The following KLHL32 variants were observed in gnomAD, a reference collection of about 807,000 sequenced individuals.
KLHL32 encodes kelch like family member 32.
Under a neutral mutation model 64.8 loss-of-function variants are expected in KLHL32, and 35 were observed. The ratio of observed to expected loss-of-function variants is 0.54; its 90% CI spans 0.41 to 0.72. KLHL32 has a LOEUF of 0.72. Among genes scored for constraint, KLHL32 ranks in the 30% least tolerant of loss-of-function variants. The probability of loss-of-function intolerance (pLI) is 0.00; values close to 1 mark genes in which losing one functional copy is unlikely to be tolerated. For missense variants in KLHL32, 589 were observed against 768.5 expected (o/e 0.77, Z 2.76); for synonymous variants, 259 against 281.0 (o/e 0.92, Z 0.78).
Position 97,130,760 on chromosome 6 carries a change from A to G in KLHL32, c.1417A>G (p.Lys473Glu). 6.3e-7 allele frequency: 1 copy of G among 1,599,596 alleles called. No homozygotes were observed. The highest frequency in any genetic ancestry group is 1.1e-5 in the South Asian group (1 of 88,206). Residue 473 changes from lysine to glutamate, a missense_variant, in exon 9 of 11, where the codon AAG (lysine) becomes GAG (glutamate). By Grantham distance (56) the Lys-to-Glu change is moderately conservative. Transcript: ENST00000369261. ...RLMVYEPNQN[K>E]WISRSPMLQR... ...ACACTTAAATTTCTTTTTTCAGAAT[A>G]AGTGGATAAGCCGTAGCCCCATGCT...
the KLHL32 span, among the ~76,000 whole-genome samples, chr6:96,916,625 T>C: frequency 6.6e-6 from 1 of 152,220 alleles, no homozygotes; most frequent in African/African-American, 2.4e-5. Context: ...TTCTTTTCTA[T>C]GAAGGCCTCT....
At chr6:96,948,502 G>A (rs1402259506) in intron 1 of KLHL32, among the ~76,000 whole-genome samples, 1 of 152,014 alleles carries the variant, frequency 6.6e-6, no homozygotes, top group Non-Finnish European at 1.5e-5. Flanking sequence ...CTCTTTTTTT[G>A]TGTGTGATAC....
intron 1 of KLHL32, among the ~76,000 whole-genome samples, chr6:96,946,208 A>C (rs909423898): frequency 6.6e-6 from 1 of 152,186 alleles, no homozygotes; most frequent in African/African-American, 2.4e-5. Context: ...TTTAAGTGAT[A>C]TCTCCTTTTA....
At chr6:96,943,972 A>G (rs1414225949) in intron 1 of KLHL32, among the ~76,000 whole-genome samples, 1 of 152,206 alleles carries the variant, frequency 6.6e-6, no homozygotes, top group African/African-American at 2.4e-5. Context: ...CTCTCAGGAC[A>G]TTAATTCCTT....
At position 97,085,014 on chromosome 6, in the gene KLHL32, T is replaced by G; in HGVS notation, c.412-112T>G. ...TTTTTTTTTATACTAGCCCTCCCATTTCTCCCACCACTGTGATGAAAACCT... is the reference window on the plus strand; with the variant it reads ...TTTTTTTTTATACTAGCCCTCCCATGTCTCCCACCACTGTGATGAAAACCT... On this transcript the variant is annotated intron_variant, in intron 5 of 10. Coordinates refer to ENST00000369261, the MANE Select transcript of KLHL32 (RefSeq NM_052904.4). The G allele has an allele frequency of 1.2e-5, 10 of 810,616 alleles. No individual in the cohort carries two copies. In the South Asian group the frequency reaches 1.3e-4, roughly 11 times the overall value. The allele number at this position is 810,616 out of a possible 1,614,324, so 50.2% of individuals were successfully genotyped here.
At chr6:96,916,489 C>T in the KLHL32 span, among the ~76,000 whole-genome samples, 3 of 152,136 alleles carry the variant, frequency 2.0e-5, no homozygotes, top group Non-Finnish European at 4.4e-5. Context: ...TATTACCATC[C>T]CACAATTTAC....
At chr6:97,043,702 C>T in intron 4 of KLHL32, among the ~76,000 whole-genome samples, 1 of 151,778 alleles carries the variant, frequency 6.6e-6, no homozygotes, top group Admixed American at 6.6e-5. Flanking sequence ...GGTTTTTCTC[C>T]ACACCCTCAT....
intron 6 of KLHL32, among the ~76,000 whole-genome samples, chr6:97,092,836 A>G (rs1387602306): frequency 1.3e-5 from 2 of 152,120 alleles, no homozygotes; most frequent in African/African-American, 2.4e-5. Flanking sequence ...GCTTTGCTCC[A>G]GCTAATCCTC....
chr6:97,085,535 G>A (rs1389748980), intron 6 of KLHL32, among the ~76,000 whole-genome samples, 194 bp downstream of exon 6: 2 of 152,232 alleles, frequency 1.3e-5, no homozygotes, highest in Non-Finnish European at 2.9e-5. Context: ...AGCGGACTCT[G>A]CCGCTTAACT....
chr6:97,016,149 A>G (rs985367422), intron 3 of KLHL32, among the ~76,000 whole-genome samples: 2 of 152,254 alleles, frequency 1.3e-5, no homozygotes, highest in Admixed American at 6.5e-5. Flanking sequence ...CCCCACACAG[A>G]GTCCCCACTG....
At chr6:97,082,860 G>A (rs776674371) in intron 5 of KLHL32, among the ~76,000 whole-genome samples, 4 of 152,084 alleles carry the variant, frequency 2.6e-5, no homozygotes, top group Non-Finnish European at 5.9e-5. Flanking sequence ...CTGAGTTAAT[G>A]GTGTGCCTTA....
chr6:97,087,507 T>A (rs1793599240), intron 6 of KLHL32, among the ~76,000 whole-genome samples: 1 of 152,210 alleles, frequency 6.6e-6, no homozygotes. Context: ...CTCACTGTAA[T>A]AAAGTGCTCA....
At chr6:96,938,706 G>T (rs1770916982) in intron 1 of KLHL32, among the ~76,000 whole-genome samples, 1 of 152,082 alleles carries the variant, frequency 6.6e-6, no homozygotes, top group Non-Finnish European at 1.5e-5. Flanking sequence ...CTTGAATCCT[G>T]GTTCTTTCAT....
intron 7 of KLHL32, among the ~76,000 whole-genome samples, chr6:97,123,225 C>T (rs1278498210): frequency 6.6e-6 from 1 of 152,142 alleles, no homozygotes; most frequent in Non-Finnish European, 1.5e-5. Context: ...CCGGCATTGA[C>T]CAGTTGTTGC....
intron 3 of KLHL32, among the ~76,000 whole-genome samples, chr6:97,002,518 T>C (rs1185469694): frequency 1.3e-5 from 2 of 152,210 alleles, no homozygotes; most frequent in Non-Finnish European, 2.9e-5. Context: ...TGCAGGTTTG[T>C]TATATAGGTA....
At chr6:96,987,890 G>A (rs2128059304) in intron 3 of KLHL32, among the ~76,000 whole-genome samples, 1 of 152,290 alleles carries the variant, frequency 6.6e-6, no homozygotes, top group East Asian at 1.9e-4. Flanking sequence ...TGGGAAAACT[G>A]GCTAGCCATA....
At chr6:96,909,945 T>G in the KLHL32 span, among the ~76,000 whole-genome samples, 1 of 152,184 alleles carries the variant, frequency 6.6e-6, no homozygotes, top group Admixed American at 6.5e-5. Flanking sequence ...ACTTTGCACT[T>G]TTCCACACAT....
intron 5 of KLHL32, among the ~76,000 whole-genome samples, chr6:97,081,799 TA>T (rs1402775970): frequency 1.3e-5 from 2 of 152,200 alleles, no homozygotes; most frequent in African/African-American, 4.8e-5. Flanking sequence ...AGACTATATA[TA>T]CCATAAGGCC....
At chr6:97,040,290 A>G (rs983390931) in intron 3 of KLHL32, among the ~76,000 whole-genome samples, 2 of 152,112 alleles carry the variant, frequency 1.3e-5, no homozygotes, top group Non-Finnish European at 2.9e-5. Context: ...TTAAAGGTGC[A>G]CAAATTAGCA....
Sources: gnomAD v4.1 joint callset for allele counts (sites outside exome capture counted in the v4.1 genomes callset) on GRCh38, gnomAD v4.1.1 for gene constraint, MANE v1.5 for transcripts, NCBI Gene and HGNC (gene_info 2026-07-23, HGNC 2026-07-21) for gene names.